Variants in EVA1A observed in about 807,000 individuals in gnomAD.
The protein encoded by EVA1A is eva-1 homolog A, regulator of programmed cell death.
Under a neutral mutation model 9.8 loss-of-function variants are expected in EVA1A, and 7 were observed. The observed-to-expected ratio is 0.71, with a 90% CI of 0.41 to 1.34. The LOEUF is 1.34. EVA1A is among the 40% of genes most tolerant of loss of function. EVA1A has a pLI of 0.01. For missense variants in EVA1A, 206 were observed against 205.9 expected (o/e 1.00, Z 0.00); for synonymous variants, 90 against 85.6 (o/e 1.05, Z -0.28).
chr2:75,534,045 T>C (rs1204059418), intron 1 of EVA1A, among the ~76,000 whole-genome samples: 1 of 151,818 alleles, frequency 6.6e-6, no homozygotes, highest in Non-Finnish European at 1.5e-5. Flanking sequence ...ATCTCCTGAC[T>C]TCGTGATCCT....
At position 75,542,142 on chromosome 2, in the gene EVA1A, G is replaced by A. The variant is rs182961232; in HGVS notation, c.-192+18538C>T. ...CCTCTCTTTGCCTGCTGCCATCCAC[G>A]TAAGATGTGACTTGCTCCTCCTTGC... is the stretch of plus-strand genomic sequence containing the variant. On this transcript the variant is annotated intron_variant, in intron 1 of 3. Coordinates refer to ENST00000393913, the MANE Select transcript of EVA1A (RefSeq NM_001135032.2). The A allele has an allele frequency of 5.6e-4, 86 of 153,770 alleles. 1 individual carries two copies. The East Asian group carries it at 0.014, about 25-fold the overall frequency. The allele number at this position is 153,770 out of a possible 1,614,324, so 9.5% of individuals were successfully genotyped here.
chr2:75,534,502 T>TAAAAAAAAA (rs56043076), intron 1 of EVA1A, among the ~76,000 whole-genome samples: 58 of 148,686 alleles, frequency 3.9e-4, no homozygotes, highest in Admixed American at 9.3e-4. Flanking sequence ...TTCAAGTAAC[T>TAAAAAAAAA]AAAAAAAGAA....
At chr2:75,498,261 T>C (rs1674283054) in intron 3 of EVA1A, among the ~76,000 whole-genome samples, 1 of 137,798 alleles carries the variant, frequency 7.3e-6, no homozygotes, top group East Asian at 2.1e-4. Flanking sequence ...TTGTCACTTA[T>C]AAGTGGGAGC....
At chr2:75,509,868 T>A (rs972733150) in intron 3 of EVA1A, among the ~76,000 whole-genome samples, 1 of 152,032 alleles carries the variant, frequency 6.6e-6, no homozygotes, top group Non-Finnish European at 1.5e-5. Flanking sequence ...ACAATTAAGA[T>A]TGTACCTTTC....
chr2:75,558,744 T>C (rs542580373), intron 1 of EVA1A: 2 of 152,326 alleles, frequency 1.3e-5, no homozygotes, highest in Admixed American at 6.5e-5. Flanking sequence ...GTCAGGAACA[T>C]TGACGAAGTG....
chr2:75,512,450 T>C (rs1329831184), intron 3 of EVA1A, among the ~76,000 whole-genome samples: 1 of 151,500 alleles, frequency 6.6e-6, no homozygotes, highest in Non-Finnish European at 1.5e-5. Context: ...TGGGAGGGAG[T>C]CAGCCAGTCC....
intron 1 of EVA1A, chr2:75,542,649 TG>T (rs1239753201): frequency 6.6e-6 from 1 of 152,380 alleles, no homozygotes; most frequent in Non-Finnish European, 1.5e-5. Flanking sequence ...CTCCCTCTTT[TG>T]GACTCCTGCA....
chr2:75,534,097 G>A (rs997993650), intron 1 of EVA1A, among the ~76,000 whole-genome samples: 1 of 151,998 alleles, frequency 6.6e-6, no homozygotes, highest in African/African-American at 2.4e-5. Flanking sequence ...CACTTAGCAG[G>A]GCATGGTGGC....
intron 1 of EVA1A, among the ~76,000 whole-genome samples, chr2:75,557,090 C>A (rs1676739173): frequency 6.6e-6 from 1 of 152,224 alleles, no homozygotes; most frequent in Non-Finnish European, 1.5e-5. Flanking sequence ...CCTCACCCCA[C>A]TGAAGTTTTG....
chr2:75,515,155 T>C (rs944765364), intron 3 of EVA1A, among the ~76,000 whole-genome samples: 1 of 152,250 alleles, frequency 6.6e-6, no homozygotes, highest in East Asian at 1.9e-4. Flanking sequence ...GGGACACTTT[T>C]ATTGATTTAT....
At chr2:75,563,928 A>C (rs1025434798), upstream of EVA1A, among the ~76,000 whole-genome samples, 3 of 152,240 alleles carry the variant, frequency 2.0e-5, no homozygotes, top group African/African-American at 7.2e-5. Context: ...AGAGAAACTG[A>C]ACACTGGGGT....
chr2:75,548,453 C>T (rs548848786), intron 1 of EVA1A, among the ~76,000 whole-genome samples: 11 of 152,118 alleles, frequency 7.2e-5, no homozygotes, highest in Non-Finnish European at 1.3e-4. Context: ...CATTTCTTGC[C>T]ACTCCCCTAT....
At chr2:75,556,098 G>A (rs1416414605) in intron 1 of EVA1A, among the ~76,000 whole-genome samples, 1 of 152,130 alleles carries the variant, frequency 6.6e-6, no homozygotes, top group African/African-American at 2.4e-5. Context: ...TCATCTTTGT[G>A]TCTCTGGCAC....
chr2:75,556,046 CAT>C (rs1374877466), intron 1 of EVA1A, among the ~76,000 whole-genome samples: 1 of 152,178 alleles, frequency 6.6e-6, no homozygotes, highest in Non-Finnish European at 1.5e-5. Context: ...ACACGTCCCT[CAT>C]ATGTCATGGA....
At chr2:75,552,659 A>T (rs1558692499) in intron 1 of EVA1A, among the ~76,000 whole-genome samples, 1 of 152,208 alleles carries the variant, frequency 6.6e-6, no homozygotes, top group Non-Finnish European at 1.5e-5. Flanking sequence ...TGTAGTAGAC[A>T]TTTCCCATAC....
At chr2:75,548,730 C>A (rs928431358) in intron 1 of EVA1A, among the ~76,000 whole-genome samples, 5 of 152,020 alleles carry the variant, frequency 3.3e-5, no homozygotes, top group African/African-American at 4.8e-5. Flanking sequence ...TTACTGGACA[C>A]CCCCAACCTA....
At chr2:75,517,949 A>C in intron 3 of EVA1A, 107 bp downstream of exon 3, 1 of 1,277,170 alleles carries the variant, frequency 7.8e-7, no homozygotes, top group Non-Finnish European at 1.1e-6. Context: ...AGCTTTGATT[A>C]CGTAGTGTGT....
At chr2:75,520,999 C>T (rs1675211234) in intron 2 of EVA1A, among the ~76,000 whole-genome samples, 1 of 152,116 alleles carries the variant, frequency 6.6e-6, no homozygotes, top group East Asian at 1.9e-4. Flanking sequence ...TATCAGAACT[C>T]CTACAACTCA....
rs1675082563 is a variant in EVA1A, at chr2:75,518,183, A to T, written c.-43T>A. On this transcript the variant is annotated 5_prime_UTR_variant, in exon 3 of 4. Coordinates refer to ENST00000393913, the MANE Select transcript of EVA1A (RefSeq NM_001135032.2). ...CCTCCTGGAGGTGCTTGGCTGAATC[A>T]ACGTGGCCACTCTCCTTCTTCTCTT... 15 of 1,605,658 alleles carry T rather than the reference A, an allele frequency of 9.3e-6. No homozygotes were observed. Among genetic ancestry groups the T allele is most frequent in the Non-Finnish European group, 1.3e-5 (15 of 1,176,966 alleles).
Sources: allele counts gnomAD v4.1 joint callset (sites outside exome capture counted in the v4.1 genomes callset), GRCh38; gene constraint gnomAD v4.1.1; transcripts MANE v1.5; gene names NCBI Gene and HGNC (gene_info 2026-07-23, HGNC 2026-07-21).